NAALADL2: variants seen among roughly 807,000 people sequenced by gnomAD.
NAALADL2 encodes the protein inactive N-acetylated-alpha-linked acidic dipeptidase-like protein 2.
Under a neutral mutation model 87.2 loss-of-function variants are expected in NAALADL2, and 76 were observed. The ratio of observed to expected loss-of-function variants is 0.87; its 90% CI spans 0.72 to 1.05. The LOEUF (loss-of-function observed/expected upper bound fraction) is 1.05. NAALADL2 is among the 50% of genes least tolerant of loss of function. The pLI is 0.00. For missense variants in NAALADL2, 1,089 were observed against 945.8 expected, an observed-to-expected ratio of 1.15 and a Z score of -1.99; for synonymous variants, 354 against 331.0, an observed-to-expected ratio of 1.07 and a Z score of -0.75.
At chr3:175,605,418 A>T (rs1723551606) in intron 10 of NAALADL2, among the ~76,000 whole-genome samples, 1 of 152,160 alleles carries the variant, frequency 6.6e-6, no homozygotes, top group African/African-American at 2.4e-5. Flanking sequence ...GGAAGTAGGG[A>T]AACTCTTATG....
At chr3:174,823,854 G>A (rs1721695278) in intron 3 of NAALADL2, among the ~76,000 whole-genome samples, 1 of 152,114 alleles carries the variant, frequency 6.6e-6, no homozygotes, top group Admixed American at 6.5e-5. Flanking sequence ...GGGACTACAG[G>A]CATGCACCAC....
At chr3:175,041,918 C>A (rs76148846) in intron 1 of NAALADL2, among the ~76,000 whole-genome samples, 5,286 of 152,154 alleles carry the variant, frequency 0.035, 252 homozygotes, top group African/African-American at 0.11. Flanking sequence ...ACATGCTTAC[C>A]TTTTCTGTGT....
At chr3:174,597,209 A>G (rs1718000324) in intron 2 of NAALADL2, among the ~76,000 whole-genome samples, 1 of 152,216 alleles carries the variant, frequency 6.6e-6, no homozygotes, top group Non-Finnish European at 1.5e-5. Flanking sequence ...GTGGATTCAT[A>G]CAGCACATGC....
chr3:175,749,841 C>T (rs897494299), intron 12 of NAALADL2, among the ~76,000 whole-genome samples: 19 of 152,060 alleles, frequency 1.2e-4, no homozygotes, highest in South Asian at 8.3e-4. Context: ...AACGGCCTTA[C>T]GCAGAAGTCT....
At chr3:174,816,402 G>GTA (rs200470020) in intron 3 of NAALADL2, among the ~76,000 whole-genome samples, 7 of 107,294 alleles carry the variant, frequency 6.5e-5, no homozygotes, top group Non-Finnish European at 3.7e-5. Flanking sequence ...GTGTGTGTGT[G>GTA]TATGTGTGTG....
At chr3:174,483,066 C>G (rs1717656457) in intron 1 of NAALADL2, among the ~76,000 whole-genome samples, 1 of 151,964 alleles carries the variant, frequency 6.6e-6, no homozygotes, top group African/African-American at 2.4e-5. Flanking sequence ...CAGTGTTTCT[C>G]CAACCCCTCC....
intron 1 of NAALADL2, among the ~76,000 whole-genome samples, chr3:175,015,894 A>C (rs1440679428): frequency 6.6e-6 from 1 of 152,028 alleles, no homozygotes; most frequent in Non-Finnish European, 1.5e-5. Flanking sequence ...AACATTAAAA[A>C]TATGAAAAAT....
chr3:174,929,695 T>G (rs563488067), intron 1 of NAALADL2, among the ~76,000 whole-genome samples: 11 of 152,172 alleles, frequency 7.2e-5, no homozygotes, highest in Non-Finnish European at 1.3e-4. Context: ...GGACTATGTA[T>G]AGGAGTGGAA....
At chr3:175,408,922 C>T (rs76838041) in intron 5 of NAALADL2, among the ~76,000 whole-genome samples, 2,644 of 152,014 alleles carry the variant, frequency 0.017, 82 homozygotes, top group African/African-American at 0.061. Context: ...TCTTAGTACA[C>T]TTATTCATAA....
intron 2 of NAALADL2, among the ~76,000 whole-genome samples, chr3:174,612,528 C>A (rs1404497283): frequency 6.6e-6 from 1 of 152,046 alleles, no homozygotes; most frequent in Non-Finnish European, 1.5e-5. Flanking sequence ...AGCCTACCTT[C>A]AAGCTCACTA....
chr3:174,856,818 TA>T (rs11340533), upstream of NAALADL2, among the ~76,000 whole-genome samples: 51,981 of 151,980 alleles, frequency 0.34, 9,356 homozygotes, highest in African/African-American at 0.45. Context: ...TGTGCTAGTT[TA>T]AGCTGTCACA....
At chr3:175,229,354 T>C (rs761789694) in intron 2 of NAALADL2, among the ~76,000 whole-genome samples, 8 of 152,038 alleles carry the variant, frequency 5.3e-5, no homozygotes, top group Non-Finnish European at 8.8e-5. Flanking sequence ...GTTTTCTTTA[T>C]AGGACAACTG....
intron 3 of NAALADL2, among the ~76,000 whole-genome samples, chr3:174,842,655 T>G (rs1002533385): frequency 5.3e-5 from 8 of 152,194 alleles, no homozygotes; most frequent in African/African-American, 1.9e-4. Flanking sequence ...AGCAGATAAT[T>G]ACAATGCTTT....
At chr3:174,892,915 C>A (rs1731033802) in intron 1 of NAALADL2, among the ~76,000 whole-genome samples, 1 of 108,772 alleles carries the variant, frequency 9.2e-6, no homozygotes, top group Admixed American at 9.4e-5. Flanking sequence ...GAGTGAGACT[C>A]CAACTCAAAA....
At chr3:174,472,844 C>G (rs370351181) in intron 1 of NAALADL2, among the ~76,000 whole-genome samples, 23 of 152,262 alleles carry the variant, frequency 1.5e-4, no homozygotes, top group African/African-American at 4.1e-4. Context: ...CCACATGTTG[C>G]ACTTTGTAGA....
intron 1 of NAALADL2, among the ~76,000 whole-genome samples, chr3:174,441,876 G>A (rs983865404): frequency 4.6e-5 from 7 of 152,042 alleles, no homozygotes; most frequent in African/African-American, 1.7e-4. Flanking sequence ...ACTAGGGCTT[G>A]CATCCTGAGG....
chr3:174,541,591 C>T (rs545384785), intron 1 of NAALADL2, among the ~76,000 whole-genome samples: 1 of 152,246 alleles, frequency 6.6e-6, no homozygotes, highest in Non-Finnish European at 1.5e-5. Flanking sequence ...TGCTATGAAA[C>T]ATTTTTTTAA....
At chr3:174,481,494 G>A (rs1015287041) in intron 1 of NAALADL2, among the ~76,000 whole-genome samples, 2 of 152,010 alleles carry the variant, frequency 1.3e-5, no homozygotes, top group Non-Finnish European at 1.5e-5. Context: ...AGGTTTAGAG[G>A]CAACAGATTC....
chr3:175,759,857 T>C (rs574956132), intron 13 of NAALADL2, among the ~76,000 whole-genome samples: 1 of 152,232 alleles, frequency 6.6e-6, no homozygotes, highest in East Asian at 1.9e-4. Flanking sequence ...GAAAGGTAGG[T>C]AAGATCAAGT....
Sources: gnomAD v4.1 joint callset for allele counts (sites outside exome capture counted in the v4.1 genomes callset) on GRCh38, gnomAD v4.1.1 for gene constraint, MANE v1.5 for transcripts, NCBI Gene and HGNC (gene_info 2026-07-23, HGNC 2026-07-21) for gene names.